The following EXOC4 variants were observed in gnomAD, a reference collection of about 807,000 sequenced individuals.
EXOC4 encodes exocyst complex component 4.
A neutral mutation model predicts 107.2 loss-of-function variants in EXOC4; 71 were observed. The ratio of observed to expected loss-of-function variants is 0.66; its 90% CI spans 0.55 to 0.81. The LOEUF (loss-of-function observed/expected upper bound fraction) is 0.81, where lower values mean the gene tolerates loss of function less well. Ranked by LOEUF, EXOC4 falls within the 30% of genes least tolerant of loss-of-function variation. EXOC4 has a pLI of 0.00. For missense variants in EXOC4, 1,108 were observed against 1,189.6 expected, an observed-to-expected ratio of 0.93 and a Z score of 1.01; for synonymous variants, 456 against 441.2, an observed-to-expected ratio of 1.03 and a Z score of -0.42.
At chr7:134,035,046 C>CTTT (rs146401762) in intron 17 of EXOC4, among the ~76,000 whole-genome samples, 17 of 128,840 alleles carry the variant, frequency 1.3e-4, no homozygotes, top group African/African-American at 2.9e-4. Flanking sequence ...CTTTTCTTTA[C>CTTT]TTTTTTTTTT....
rs947262692 is a variant in EXOC4, at chr7:133,496,883, T to A, written c.1417+16745T>A. ...TTGCAAGTGTGATTAAAATCCCTAA[T>A]AATTTAAATTTGAGTCAATCAAAAG... On this transcript the variant is annotated intron_variant, in intron 9 of 17. Coordinates refer to ENST00000253861, the MANE Select transcript of EXOC4 (RefSeq NM_021807.4). Among the ~76,000 whole-genome samples, 10 of 152,152 alleles carry A rather than the reference T, an allele frequency of 6.6e-5. No homozygotes were observed. The East Asian group carries it at 1.9e-3, about 29-fold the overall frequency.
At chr7:133,333,189 A>C (rs1041495001) in intron 5 of EXOC4, among the ~76,000 whole-genome samples, 1 of 152,158 alleles carries the variant, frequency 6.6e-6, no homozygotes, top group Non-Finnish European at 1.5e-5. Context: ...TAAATCAGTA[A>C]AAATTTATGG....
At chr7:133,969,192 G>T (rs1424314524) in intron 14 of EXOC4, among the ~76,000 whole-genome samples, 1 of 152,104 alleles carries the variant, frequency 6.6e-6, no homozygotes, top group Non-Finnish European at 1.5e-5. Context: ...AGCTCCATCA[G>T]GTCGTTTCTG....
chr7:133,834,605 G>A (rs1203579235), intron 11 of EXOC4, among the ~76,000 whole-genome samples: 2 of 152,204 alleles, frequency 1.3e-5, no homozygotes, highest in East Asian at 3.8e-4. Context: ...TTAGGATTTT[G>A]AGCGTTATTC....
intron 11 of EXOC4, among the ~76,000 whole-genome samples, chr7:133,880,908 A>G (rs1798952575): frequency 6.6e-6 from 1 of 152,342 alleles, no homozygotes; most frequent in South Asian, 2.1e-4. Context: ...CTAAAGGCAT[A>G]TAGTTTTTTT....
chr7:133,550,795 C>T (rs181329887), intron 9 of EXOC4, among the ~76,000 whole-genome samples: 25 of 152,208 alleles, frequency 1.6e-4, no homozygotes, highest in African/African-American at 6.0e-4. Flanking sequence ...ACTACCACCC[C>T]CATTTATTCA....
chr7:133,560,746 A>G (rs897458369), intron 9 of EXOC4, among the ~76,000 whole-genome samples: 9 of 152,252 alleles, frequency 5.9e-5, no homozygotes, highest in Non-Finnish European at 1.0e-4. Flanking sequence ...TTAGAAAGCA[A>G]AGATGAGTAA....
chr7:133,687,739 T>C (rs1186312374), intron 10 of EXOC4, among the ~76,000 whole-genome samples: 2 of 152,196 alleles, frequency 1.3e-5, no homozygotes, highest in African/African-American at 4.8e-5. Flanking sequence ...CTGGTGTTTC[T>C]GTAACATTAA....
At chr7:133,922,226 C>T (rs1414123304) in intron 13 of EXOC4, among the ~76,000 whole-genome samples, 1 of 152,120 alleles carries the variant, frequency 6.6e-6, no homozygotes, top group African/African-American at 2.4e-5. Flanking sequence ...ACACTGTTCA[C>T]TTTTGTAAAC....
chr7:134,039,265 A>G (rs924130535), intron 17 of EXOC4, among the ~76,000 whole-genome samples: 1 of 152,180 alleles, frequency 6.6e-6, no homozygotes, highest in African/African-American at 2.4e-5. Flanking sequence ...GGAGTGCATG[A>G]TAAAGCTTCA....
chr7:134,006,987 G>A lies in EXOC4; in HGVS notation c.2528-689G>A, dbSNP rs191520349. Among the ~76,000 whole-genome samples, 24 of 152,182 alleles carry A rather than the reference G, an allele frequency of 1.6e-4. 1 individual carries two copies. The South Asian group carries it at 1.7e-3, about 11-fold the overall frequency. On this transcript the variant is annotated intron_variant, in intron 16 of 17. Transcript: ENST00000253861. ...ACCTAAGAGCAAACTACTTGTGGGGGGGCCCCAAAATGTCCACAGGTGTCT... is the reference window on the plus strand; with the variant it reads ...ACCTAAGAGCAAACTACTTGTGGGGAGGCCCCAAAATGTCCACAGGTGTCT...
intron 11 of EXOC4, among the ~76,000 whole-genome samples, chr7:133,820,193 C>G (rs1158757340): frequency 2.2e-5 from 1 of 45,000 alleles, no homozygotes; most frequent in Non-Finnish European, 4.7e-5. Context: ...TTATGTTGCT[C>G]TCCTTTTTTT....
chr7:133,887,857 T>C (rs1799119855), intron 11 of EXOC4, among the ~76,000 whole-genome samples: 1 of 152,194 alleles, frequency 6.6e-6, no homozygotes, highest in South Asian at 2.1e-4. Context: ...GGATTTTAAA[T>C]TCTTCTTAGC....
At chr7:133,780,325 T>G (rs2151172213) in intron 10 of EXOC4, among the ~76,000 whole-genome samples, 1 of 152,004 alleles carries the variant, frequency 6.6e-6, no homozygotes, top group South Asian at 2.1e-4. Flanking sequence ...AAGCCATACT[T>G]TTAGCGTTTT....
chr7:133,511,116 A>G (rs1254875464), intron 9 of EXOC4, among the ~76,000 whole-genome samples: 1 of 152,136 alleles, frequency 6.6e-6, no homozygotes, highest in Admixed American at 6.6e-5. Flanking sequence ...ATTTTCTATT[A>G]TACCCTCTTA....
At chr7:133,719,046 C>G (rs1795053429) in intron 10 of EXOC4, among the ~76,000 whole-genome samples, 1 of 152,180 alleles carries the variant, frequency 6.6e-6, no homozygotes, top group South Asian at 2.1e-4. Flanking sequence ...GTAACTCCCA[C>G]AATTCCTATG....
the EXOC4 span, among the ~76,000 whole-genome samples, chr7:134,088,213 GA>G: frequency 0.012 from 1,798 of 152,204 alleles, 45 homozygotes; most frequent in African/African-American, 0.042. Context: ...TTCCTTAAAG[GA>G]AAACACACCA....
At chr7:133,501,119 T>C (rs1303212204) in intron 9 of EXOC4, among the ~76,000 whole-genome samples, 1 of 152,214 alleles carries the variant, frequency 6.6e-6, no homozygotes, top group Non-Finnish European at 1.5e-5. Flanking sequence ...AAATAATGCT[T>C]ACTAAAACTA....
intron 4 of EXOC4, among the ~76,000 whole-genome samples, chr7:133,312,390 A>C (rs1794893495): frequency 6.6e-6 from 1 of 152,208 alleles, no homozygotes; most frequent in Non-Finnish European, 1.5e-5. Context: ...AGAAAATGTC[A>C]GACAGATAAT....
Sources: allele counts gnomAD v4.1 joint callset (sites outside exome capture counted in the v4.1 genomes callset), GRCh38; gene constraint gnomAD v4.1.1; transcripts MANE v1.5; gene names NCBI Gene and HGNC (gene_info 2026-07-23, HGNC 2026-07-21).